Variants in DSCAM observed in about 807,000 individuals in gnomAD.
DSCAM encodes cell adhesion molecule DSCAM.
In DSCAM, 47 loss-of-function variants were observed where a neutral mutation model predicts 217.7. The observed-to-expected ratio is 0.22, with a 90% confidence interval of 0.17 to 0.28. The LOEUF (loss-of-function observed/expected upper bound fraction) is 0.28. Among genes scored for constraint, DSCAM ranks in the 10% least tolerant of loss-of-function variants. The pLI, the probability that DSCAM is intolerant of heterozygous loss-of-function variation, is 1.00. For missense variants in DSCAM, 2,080 were observed against 2,618.3 expected, an observed-to-expected ratio of 0.79 and a Z score of 4.49; for synonymous variants, 1,056 against 1,015.3, an observed-to-expected ratio of 1.04 and a Z score of -0.76.
At chr21:40,722,306 T>C (rs2090910189) in intron 1 of DSCAM, among the ~76,000 whole-genome samples, 1 of 152,144 alleles carries the variant, frequency 6.6e-6, no homozygotes, top group Non-Finnish European at 1.5e-5. Flanking sequence ...AAAAGATACA[T>C]TACTGTTAAG....
intron 16 of DSCAM, among the ~76,000 whole-genome samples, chr21:40,149,792 C>T (rs1271354348): frequency 6.7e-6 from 1 of 150,092 alleles, no homozygotes; most frequent in Non-Finnish European, 1.5e-5. Flanking sequence ...CCACTGTCAC[C>T]ACCACCATCC....
chr21:40,637,588 T>G lies in DSCAM; in HGVS notation c.508+55222A>C, dbSNP rs1253098706. Reference sequence around the variant, plus strand: ...ATATAAATATATATAAATATATACATATATAAATATATATATAAATATATA... The same window carrying G: ...ATATAAATATATATAAATATATACAGATATAAATATATATATAAATATATA... On this transcript the variant is annotated intron_variant, in intron 3 of 32. Transcript: ENST00000400454. 1.0e-4 allele frequency among the ~76,000 whole-genome samples: 7 copies of G among 69,606 alleles called. 1 individual carries two copies. The highest frequency in any genetic ancestry group is 2.7e-4 in the Admixed American group (1 of 3,712). The allele number at this position is 69,606 out of a possible 152,430, so 45.7% of individuals were successfully genotyped here.
chr21:40,103,050 T>C (rs959525705), intron 20 of DSCAM, among the ~76,000 whole-genome samples: 1 of 152,224 alleles, frequency 6.6e-6, no homozygotes, highest in African/African-American at 2.4e-5. Flanking sequence ...AAATTCTTGT[T>C]GTACTAGGTG....
intron 11 of DSCAM, among the ~76,000 whole-genome samples, chr21:40,243,573 T>G (rs2146946584): frequency 6.6e-6 from 1 of 151,672 alleles, no homozygotes; most frequent in Middle Eastern, 3.4e-3. Flanking sequence ...AAAGCATCGG[T>G]TTTTTCTGAG....
chr21:40,119,704 A>G (rs1381867139), intron 20 of DSCAM, among the ~76,000 whole-genome samples: 2 of 151,820 alleles, frequency 1.3e-5, no homozygotes, highest in African/African-American at 4.8e-5. Flanking sequence ...AGGATTTTAA[A>G]AGCAAATTGC....
intron 3 of DSCAM, among the ~76,000 whole-genome samples, chr21:40,436,950 T>A (rs2145906482): frequency 6.6e-6 from 1 of 152,194 alleles, no homozygotes; most frequent in East Asian, 1.9e-4. Context: ...CATATACTGT[T>A]TTCCAAAAGG....
intron 21 of DSCAM, 42 bp from the exon 22 acceptor site, chr21:40,087,329 C>T (rs764373343): frequency 2.4e-5 from 36 of 1,498,054 alleles, no homozygotes; most frequent in South Asian, 1.0e-4. Flanking sequence ...ACTCCACAGA[C>T]GTGTCTACAC....
chr21:40,781,185 A>G (rs561088495), intron 1 of DSCAM, among the ~76,000 whole-genome samples: 3 of 151,784 alleles, frequency 2.0e-5, no homozygotes, highest in Non-Finnish European at 4.4e-5. Flanking sequence ...ATTTTTTAAC[A>G]TCTCTACTAA....
Position 40,042,391 on chromosome 21 carries a change from A to G in DSCAM, c.5666T>C (p.Val1889Ala), listed in dbSNP as rs77288807. 1 of 1,613,860 alleles carries G rather than the reference A, an allele frequency of 6.2e-7. No homozygotes were observed. ...CCTACCTGGCCGATGTGCCTTTGGA[A>G]CTGCCATATTCATTACTCTTCCTCC... is the stretch of plus-strand genomic sequence containing the variant. The part of the protein sequence containing the change: ...QDGGRVMNMA[V>A]PKAHRPGDLI... The change falls in exon 32 of 33, where the codon GTT (valine) becomes GCT (alanine). Residue 1889 changes from valine to alanine, a missense_variant. Val to Ala is a moderately conservative substitution (Grantham distance 64, BLOSUM62 0). Around this residue, in one of 5 missense-constraint regions of DSCAM, gnomAD observed 1,144 missense variants for 1,421.1 expected, o/e 0.81. Coordinates refer to ENST00000400454, the MANE Select transcript of DSCAM (RefSeq NM_001389.5).
chr21:40,020,178 G>C (rs986345375), intron 32 of DSCAM, among the ~76,000 whole-genome samples: 1 of 152,154 alleles, frequency 6.6e-6, no homozygotes, highest in Non-Finnish European at 1.5e-5. Context: ...GGCTTTATAA[G>C]GGGTTGCCCC....
intron 11 of DSCAM, among the ~76,000 whole-genome samples, chr21:40,244,561 T>C (rs553679951): frequency 1.2e-4 from 19 of 152,144 alleles, no homozygotes; most frequent in Non-Finnish European, 2.5e-4. Flanking sequence ...TTTTCTGTGA[T>C]GCAGATCTAA....
chr21:40,307,657 A>C (rs2074093932), intron 9 of DSCAM, among the ~76,000 whole-genome samples: 1 of 152,216 alleles, frequency 6.6e-6, no homozygotes, highest in Admixed American at 6.5e-5. Flanking sequence ...GGCACTATTC[A>C]CAATAGCAAA....
In DSCAM at chr21:40,248,081, G is replaced by T. The variant is rs548203931; in HGVS notation, c.2356+28016C>A. 1.8e-3 allele frequency among the ~76,000 whole-genome samples: 267 copies of T among 152,246 alleles called. 1 individual carries two copies. Among genetic ancestry groups the T allele is most frequent in the African/African-American group, 6.0e-3 (248 of 41,568 alleles). On this transcript the variant is annotated intron_variant, in intron 11 of 32. Transcript: ENST00000400454. ...TCATGGCTGGAGTGGCTGGGATGCA[G>T]GGCACCAACTCCCTAGGCTGCACAC... is the stretch of plus-strand genomic sequence containing the variant.
intron 3 of DSCAM, among the ~76,000 whole-genome samples, chr21:40,497,248 T>C (rs1199547651): frequency 1.3e-5 from 2 of 152,132 alleles, no homozygotes; most frequent in African/African-American, 4.8e-5. Flanking sequence ...TCAACCTAAG[T>C]GTCAACAGAA....
At chr21:40,831,369 A>C (rs114931881) in intron 1 of DSCAM, among the ~76,000 whole-genome samples, 3,210 of 152,334 alleles carry the variant, frequency 0.021, 102 homozygotes, top group African/African-American at 0.073. Context: ...GCTTTCAGTC[A>C]GGCTGAAATG....
intron 3 of DSCAM, among the ~76,000 whole-genome samples, chr21:40,379,411 C>T (rs1338451261): frequency 2.6e-5 from 4 of 152,246 alleles, no homozygotes; most frequent in South Asian, 2.1e-4. Context: ...GGAGTAGATG[C>T]GTCAAAGAGG....
At chr21:40,755,381 G>A (rs1601217488) in intron 1 of DSCAM, among the ~76,000 whole-genome samples, 1 of 152,298 alleles carries the variant, frequency 6.6e-6, no homozygotes, top group East Asian at 1.9e-4. Flanking sequence ...GGGAGGCAGA[G>A]TTTGCAGTGA....
intron 21 of DSCAM, among the ~76,000 whole-genome samples, chr21:40,088,482 T>C (rs192736080): frequency 2.6e-4 from 39 of 152,322 alleles, no homozygotes; most frequent in South Asian, 8.3e-4. Context: ...CATACATTTT[T>C]GCCTCTGGGC....
At chr21:40,395,012 T>C (rs1267367111) in intron 3 of DSCAM, among the ~76,000 whole-genome samples, 4 of 152,188 alleles carry the variant, frequency 2.6e-5, no homozygotes, top group Admixed American at 2.0e-4. Context: ...CATGGTTAAT[T>C]TGAGTGGTCA....
Sources: gnomAD v4.1 joint callset for allele counts (sites outside exome capture counted in the v4.1 genomes callset) on GRCh38, gnomAD v4.1.1 for gene constraint, gnomAD v4.1.1 regional missense constraint, MANE v1.5 for transcripts, NCBI Gene and HGNC (gene_info 2026-07-23, HGNC 2026-07-21) for gene names.